Variants in PEBP1 observed in about 807,000 individuals in gnomAD.
PEBP1 encodes phosphatidylethanolamine-binding protein 1.
In PEBP1, 17 loss-of-function variants were observed where a neutral mutation model predicts 22.7. The observed-to-expected ratio is 0.75, with a 90% CI of 0.51 to 1.12. The LOEUF is 1.12. PEBP1 is among the 50% of genes most tolerant of loss of function. The pLI, the probability that PEBP1 is intolerant of heterozygous loss-of-function variation, is 0.00. For synonymous variants in PEBP1, 106 were observed against 104.3 expected (o/e 1.02, Z -0.10); for missense variants, 205 against 243.5 (o/e 0.84, Z 1.05).
In PEBP1 at chr12:118,145,106, G is replaced by T; in HGVS notation, c.*303G>T. 1 of 850,566 alleles carries T rather than the reference G, an allele frequency of 1.2e-6. No homozygotes were observed. Among genetic ancestry groups the T allele is most frequent in the Non-Finnish European group, 1.7e-6 (1 of 587,624 alleles). The allele number at this position is 850,566 out of a possible 1,614,324, so 52.7% of individuals were successfully genotyped here. On this transcript the variant is annotated 3_prime_UTR_variant, in exon 4 of 4. Coordinates refer to ENST00000261313, the MANE Select transcript of PEBP1 (RefSeq NM_002567.4). Reference sequence around the variant, plus strand: ...CCAGAATGTAAAAAAGAAAAAACTGGGGGGAAAAAGACCAGGTCTACAGTG... The same window carrying T: ...CCAGAATGTAAAAAAGAAAAAACTGTGGGGAAAAAGACCAGGTCTACAGTG...
chr12:118,142,444 C>G (rs556860967), intron 3 of PEBP1, among the ~76,000 whole-genome samples: 2 of 151,904 alleles, frequency 1.3e-5, no homozygotes, highest in Non-Finnish European at 2.9e-5. Context: ...CTGCCCACCT[C>G]AGCCTCCCAA....
intron 3 of PEBP1, among the ~76,000 whole-genome samples, chr12:118,140,088 T>G (rs991157965): frequency 2.0e-5 from 3 of 152,088 alleles, no homozygotes; most frequent in Non-Finnish European, 4.4e-5. Context: ...TATTGTGTAG[T>G]ATCGTGTTAT....
intron 3 of PEBP1, among the ~76,000 whole-genome samples, chr12:118,141,267 C>G (rs2034111561): frequency 6.6e-6 from 1 of 152,108 alleles, no homozygotes; most frequent in African/African-American, 2.4e-5. Flanking sequence ...CAGGCGCCCA[C>G]CACCACGCCC....
intron 3 of PEBP1, among the ~76,000 whole-genome samples, chr12:118,141,538 G>C (rs61943522): frequency 6.6e-6 from 1 of 152,258 alleles, no homozygotes; most frequent in African/African-American, 2.4e-5. Flanking sequence ...ATTCAAGACC[G>C]GCCTGGCCAA....
intron 3 of PEBP1, among the ~76,000 whole-genome samples, chr12:118,142,044 C>A (rs1289995609): frequency 6.6e-6 from 1 of 151,946 alleles, no homozygotes; most frequent in Admixed American, 6.6e-5. Context: ...CATGCTACAC[C>A]AGGATGAACC....
intron 2 of PEBP1, 76 bp from the exon 3 acceptor site, chr12:118,139,375 G>T: frequency 1.1e-6 from 1 of 934,104 alleles, no homozygotes; most frequent in Non-Finnish European, 1.8e-6. Context: ...GCATGTTCTT[G>T]ATGCCCAGTT....
chr12:118,142,171 A>G (rs1193724167), intron 3 of PEBP1, among the ~76,000 whole-genome samples: 1 of 145,232 alleles, frequency 6.9e-6, no homozygotes, highest in African/African-American at 2.5e-5. Context: ...GCTGCCATGC[A>G]TTCTTTTTTT....
chr12:118,144,852 C>T lies in PEBP1; in HGVS notation c.*49C>T. 1 of 1,611,552 alleles carries T rather than the reference C, an allele frequency of 6.2e-7. No homozygotes were observed. The highest frequency in any genetic ancestry group is 1.3e-5 in the African/African-American group (1 of 75,006). On this transcript the variant is annotated 3_prime_UTR_variant, in exon 4 of 4. Coordinates refer to ENST00000261313, the MANE Select transcript of PEBP1 (RefSeq NM_002567.4). The stretch of plus-strand genomic sequence containing the variant: ...TGTCCTGGAGGCCCCAAGCCATGTT[C>T]CCCAGTTCAGTGTTGCATGTATAAT...
rs757699199 is a variant in PEBP1 at position 118,138,083 on chromosome 12, A to G, written c.180A>G (p.Ser60=). The stretch of plus-strand genomic sequence containing the variant: ...GCATTTCGTGGGATGGTCTTGATTC[A>G]GGGAAGCTCTACACCTTGGTCCTGA... The part of the protein sequence containing the change: ...PTSISWDGLD[S]GKLYTLVLTD... The change falls in exon 2 of 4, where the codon TCA becomes TCG. Residue 60 remains serine, a synonymous_variant. Transcript: ENST00000261313. 3.1e-6 allele frequency: 5 copies of G among 1,613,858 alleles called. No homozygotes were observed. The highest frequency in any genetic ancestry group is 4.2e-6 in the Non-Finnish European group (5 of 1,179,898).
Position 118,139,200 on chromosome 12 carries a change from C to G in PEBP1, c.246-251C>G, listed in dbSNP as rs907452435. 5 of 356,164 alleles carry G rather than the reference C, an allele frequency of 1.4e-5. No individual in the cohort carries two copies. In the Admixed American group the frequency reaches 2.0e-4, roughly 15 times the overall value. 22.1% of individuals were successfully genotyped at this position (356,164 alleles called of 1,614,324 possible). A position where few individuals can be genotyped will look rare whatever the true frequency, so the allele number is the denominator to read the frequency against. On this transcript the variant is annotated intron_variant, in intron 2 of 3. Transcript: ENST00000261313. Reference sequence around the variant, plus strand: ...TGATGGCAGGCGCCTGTAATCCCAGCTACTTGGGAGCCTGAGGCAGAGAAT... The same window carrying G: ...TGATGGCAGGCGCCTGTAATCCCAGGTACTTGGGAGCCTGAGGCAGAGAAT...
rs776003927 is a variant in PEBP1, at chr12:118,144,695, G to A, written c.456G>A (p.Ala152=). The stretch of plus-strand genomic sequence containing the variant: ...ACCACCGTGGCAAATTCAAGGTGGC[G>A]TCCTTCCGTAAAAAGTATGAGCTCA... ...SGDHRGKFKV[A]SFRKKYELRA... Residue 152 remains alanine, a synonymous_variant, in exon 4 of 4, where the codon GCG becomes GCA. Coordinates refer to ENST00000261313, the MANE Select transcript of PEBP1 (RefSeq NM_002567.4). 64 of 1,613,992 alleles carry A rather than the reference G, an allele frequency of 4.0e-5. No homozygotes were observed. Among genetic ancestry groups the A allele is most frequent in the Non-Finnish European group, 5.3e-5 (62 of 1,180,032 alleles).
Position 118,136,287 on chromosome 12 carries a change from T to G in PEBP1, c.78T>G (p.His26Gln), listed in dbSNP as rs757911321. The G allele has an allele frequency of 6.5e-6, 10 of 1,547,018 alleles. No homozygotes were observed. The highest frequency in any genetic ancestry group is 8.7e-6 in the Non-Finnish European group (10 of 1,146,576). Residue 26 changes from histidine to glutamine, a missense_variant, in exon 1 of 4, where the codon CAT (histidine) becomes CAG (glutamine). By Grantham distance (24) the His-to-Gln change is conservative (BLOSUM62 0). Coordinates refer to ENST00000261313, the MANE Select transcript of PEBP1 (RefSeq NM_002567.4). This position sits in a 1 kb window ranked among gnomAD's most constrained non-coding sequence, Gnocchi z 5.6. ...ACGAGCAGCCGCAGCACCCGCTGCA[T>G]GTCACCTACGCCGGGGCGGCGGTGG... is the stretch of plus-strand genomic sequence containing the variant. ...EVDEQPQHPL[H>Q]VTYAGAAVDE...
At position 118,138,065 on chromosome 12, in the gene PEBP1, G is replaced by A. The variant is rs749610406; in HGVS notation, c.162G>A (p.Ser54=). 6.2e-6 allele frequency: 10 copies of A among 1,613,516 alleles called. No individual in the cohort carries two copies. The highest frequency in any genetic ancestry group is 1.7e-5 in the Admixed American group (1 of 59,948). ...TTAAGAATAGACCCACCAGCATTTC[G>A]TGGGATGGTCTTGATTCAGGGAAGC... The part of the protein sequence containing the change: ...TQVKNRPTSI[S]WDGLDSGKLY... The change falls in exon 2 of 4, where the codon TCG becomes TCA. Residue 54 remains serine, a synonymous_variant. Coordinates refer to ENST00000261313, the MANE Select transcript of PEBP1 (RefSeq NM_002567.4).
At chr12:118,141,904 A>G (rs961315760) in intron 3 of PEBP1, among the ~76,000 whole-genome samples, 1 of 152,130 alleles carries the variant, frequency 6.6e-6, no homozygotes, top group African/African-American at 2.4e-5. Flanking sequence ...GCCATTCTCT[A>G]TTGATGGGCA....
chr12:118,142,843 T>G (rs1401038037), intron 3 of PEBP1, among the ~76,000 whole-genome samples: 2 of 139,712 alleles, frequency 1.4e-5, no homozygotes, highest in Non-Finnish European at 3.1e-5. Flanking sequence ...TTTTTTTTTT[T>G]TTTTTTTTTT....
At chr12:118,142,826 CTTTTT>C (rs374392598) in intron 3 of PEBP1, among the ~76,000 whole-genome samples, 5 of 93,650 alleles carry the variant, frequency 5.3e-5, no homozygotes, top group Non-Finnish European at 9.9e-5. Context: ...ACTACATTCA[CTTTTT>C]TTTTTTTTTT....
At chr12:118,137,918 C>T (rs774713164) in intron 1 of PEBP1, 121 bp from the exon 2 acceptor site, 13 of 676,972 alleles carry the variant, frequency 1.9e-5, no homozygotes, top group Non-Finnish European at 3.2e-5. Flanking sequence ...AACCCCTGAC[C>T]TCAAGTGATC....
At chr12:118,137,136 C>T (rs1265248652) in intron 1 of PEBP1, among the ~76,000 whole-genome samples, 1 of 152,204 alleles carries the variant, frequency 6.6e-6, no homozygotes, top group Non-Finnish European at 1.5e-5. Flanking sequence ...TTCTCCTTTT[C>T]TTTGCACTTT....
At chr12:118,141,404 T>C (rs1205066740) in intron 3 of PEBP1, among the ~76,000 whole-genome samples, 1 of 152,168 alleles carries the variant, frequency 6.6e-6, no homozygotes, top group Admixed American at 6.5e-5. Context: ...CGTGAGCCAC[T>C]GTGTCCAGCC....
Sources: gnomAD v4.1 joint callset for allele counts (sites outside exome capture counted in the v4.1 genomes callset) on GRCh38, gnomAD v4.1.1 for gene constraint, Gnocchi (gnomAD v3.1) non-coding constraint, MANE v1.5 for transcripts, NCBI Gene and HGNC (gene_info 2026-07-23, HGNC 2026-07-21) for gene names.